The following BAALC variants were observed in gnomAD, a reference collection of about 807,000 sequenced individuals.
BAALC encodes the protein BAALC binder of MAP3K1 and KLF4.
A neutral mutation model predicts 15.5 loss-of-function variants in BAALC; 9 were observed. The observed-to-expected ratio is 0.58, with a 90% CI of 0.35 to 1.02. The LOEUF (loss-of-function observed/expected upper bound fraction) is 1.02, where lower values mean the gene tolerates loss of function less well. BAALC is among the 50% of genes least tolerant of loss of function. The probability of loss-of-function intolerance (pLI) is 0.02; values close to 1 mark genes in which losing one functional copy is unlikely to be tolerated. For synonymous variants in BAALC, 80 were observed against 74.6 expected, an observed-to-expected ratio of 1.07 and a Z score of -0.37; for missense variants, 201 against 192.4, an observed-to-expected ratio of 1.04 and a Z score of -0.27.
At chr8:103,184,333 A>G (rs1270262570) in intron 1 of BAALC, among the ~76,000 whole-genome samples, 1 of 152,198 alleles carries the variant, frequency 6.6e-6, no homozygotes, top group African/African-American at 2.4e-5. Flanking sequence ...AGGAGTGGAC[A>G]TCTTTGGGAC....
chr8:103,215,156 C>G (rs990375967), intron 2 of BAALC, among the ~76,000 whole-genome samples: 3 of 152,082 alleles, frequency 2.0e-5, no homozygotes, highest in Non-Finnish European at 4.4e-5. Context: ...CATTTCCTGC[C>G]CCCCCATCCA....
intron 1 of BAALC, among the ~76,000 whole-genome samples, chr8:103,160,467 G>A (rs1811200344): frequency 6.6e-6 from 1 of 152,122 alleles, no homozygotes; most frequent in Admixed American, 6.5e-5. Context: ...CTGCCTCAGT[G>A]TGATTACTGA....
rs73701753 is a variant in BAALC at position 103,148,833 on chromosome 8, C to T, written c.160+7776C>T. Among the ~76,000 whole-genome samples the T allele has an allele frequency of 7.2e-3, 1,089 of 152,280 alleles. 18 individuals carry two copies. The highest frequency in any genetic ancestry group is 0.025 in the African/African-American group (1,031 of 41,556). On this transcript the variant is annotated intron_variant, in intron 1 of 2. Transcript: ENST00000309982. ...GAACATTTGGAAATAATAAGAGAGACGGATTTCCACTGTTACTTCCTCACA... is the reference window on the plus strand; with the variant it reads ...GAACATTTGGAAATAATAAGAGAGATGGATTTCCACTGTTACTTCCTCACA...
intron 2 of BAALC, among the ~76,000 whole-genome samples, chr8:103,221,799 GAA>G (rs765612135): frequency 3.9e-5 from 6 of 152,154 alleles, no homozygotes; most frequent in Non-Finnish European, 5.9e-5. Flanking sequence ...TTGTGTTGAT[GAA>G]AAGAGTCAAA....
intron 1 of BAALC, among the ~76,000 whole-genome samples, chr8:103,187,282 T>C (rs1180033971): frequency 6.6e-6 from 1 of 152,208 alleles, no homozygotes; most frequent in Non-Finnish European, 1.5e-5. Flanking sequence ...GGTTCTCAAC[T>C]GGTGGCTTCT....
At chr8:103,177,167 T>TTTG (rs139182843) in intron 1 of BAALC, among the ~76,000 whole-genome samples, 58 of 150,186 alleles carry the variant, frequency 3.9e-4, no homozygotes, top group South Asian at 8.4e-4. Flanking sequence ...GTGCGGGTTT[T>TTTG]TTGTTGTTGT....
intron 1 of BAALC, among the ~76,000 whole-genome samples, chr8:103,162,960 G>T (rs1811262443): frequency 6.6e-6 from 1 of 152,174 alleles, no homozygotes; most frequent in East Asian, 1.9e-4. Context: ...GGTCCAGATA[G>T]ATTCCTGCAC....
intron 2 of BAALC, among the ~76,000 whole-genome samples, chr8:103,215,698 T>A (rs933096428): frequency 6.6e-6 from 1 of 152,154 alleles, no homozygotes; most frequent in African/African-American, 2.4e-5. Flanking sequence ...GTGTCTCTGC[T>A]CACATCATAC....
At chr8:103,195,625 C>A (rs17793792) in intron 1 of BAALC, among the ~76,000 whole-genome samples, 6 of 152,250 alleles carry the variant, frequency 3.9e-5, no homozygotes, top group African/African-American at 1.4e-4. Flanking sequence ...TTTATGCGAG[C>A]TGTTCCTTTC....
chr8:103,146,548 T>C lies in BAALC; in HGVS notation c.160+5491T>C, dbSNP rs139954084. 7.2e-5 allele frequency among the ~76,000 whole-genome samples: 11 copies of C among 152,366 alleles called. No individual in the cohort carries two copies. In the East Asian group the frequency reaches 2.1e-3, roughly 29 times the overall value. ...TTCATTTCACACACAGTCCTATCCC[T>C]GTACCTAACGCTGTTCTGGCTACAT... On this transcript the variant is annotated intron_variant, in intron 1 of 2. Coordinates refer to ENST00000309982, the MANE Select transcript of BAALC (RefSeq NM_024812.3).
chr8:103,229,365 G>GTGT lies in BAALC; in HGVS notation c.*1268_*1270dup, dbSNP rs1812872857. Reference sequence around the variant, plus strand: ...TTTAGCAGAAATAGGCAGCCTATTGGTGTTATGTTTATGTAACATAGTCCA... The same window carrying GTGT: ...TTTAGCAGAAATAGGCAGCCTATTGGTGTTGTTATGTTTATGTAACATAGTCCA... On this transcript the variant is annotated 3_prime_UTR_variant, in exon 3 of 3. Transcript: ENST00000309982. 6.6e-6 allele frequency: 1 copy of GTGT among 152,144 alleles called. No individual in the cohort carries two copies. Among genetic ancestry groups the GTGT allele is most frequent in the South Asian group, 2.1e-4 (1 of 4,814 alleles). The allele number at this position is 152,144 out of a possible 1,614,324, so 9.4% of individuals were successfully genotyped here. A position where few individuals can be genotyped will look rare whatever the true frequency, so the allele number is the denominator to read the frequency against.
intron 1 of BAALC, among the ~76,000 whole-genome samples, chr8:103,177,729 C>T (rs1409534190): frequency 6.6e-6 from 1 of 152,202 alleles, no homozygotes; most frequent in Non-Finnish European, 1.5e-5. Flanking sequence ...TGAACTTTCT[C>T]AGTCCTAGTT....
At chr8:103,213,831 C>A (rs78812213) in intron 2 of BAALC, among the ~76,000 whole-genome samples, 243 of 152,296 alleles carry the variant, frequency 1.6e-3, no homozygotes, top group African/African-American at 5.5e-3. Flanking sequence ...TACCCATTTT[C>A]TCCTATCTCT....
rs150368564 is a variant in BAALC, at chr8:103,143,913, C to G, written c.160+2856C>G. On this transcript the variant is annotated intron_variant, in intron 1 of 2. Transcript: ENST00000309982. ...GTTTTCCCACTTGAATCAATTTAGC[C>G]TGAATTCTTCCAACGGCCTTTCTGA... Among the ~76,000 whole-genome samples the G allele has an allele frequency of 1.0e-3, 157 of 152,270 alleles. 3 individuals are homozygous for G. In the East Asian group the frequency reaches 0.026, roughly 25 times the overall value.
At chr8:103,185,511 G>T (rs1303467888) in intron 1 of BAALC, among the ~76,000 whole-genome samples, 1 of 152,126 alleles carries the variant, frequency 6.6e-6, no homozygotes, top group Admixed American at 6.5e-5. Context: ...AAAGTATAAA[G>T]ATATCAACAT....
At chr8:103,173,985 T>C (rs545722940) in intron 1 of BAALC, among the ~76,000 whole-genome samples, 1 of 152,248 alleles carries the variant, frequency 6.6e-6, no homozygotes, top group African/African-American at 2.4e-5. Context: ...AGCAAGAGGC[T>C]ATGGAAAGGA....
intron 1 of BAALC, among the ~76,000 whole-genome samples, chr8:103,198,711 C>G (rs947605944): frequency 1.3e-5 from 2 of 151,368 alleles, no homozygotes; most frequent in African/African-American, 4.9e-5. Flanking sequence ...TCAGACCAGC[C>G]GGGGCAACAT....
intron 1 of BAALC, among the ~76,000 whole-genome samples, chr8:103,201,288 T>A (rs1800726604): frequency 6.6e-6 from 1 of 152,158 alleles, no homozygotes; most frequent in African/African-American, 2.4e-5. Context: ...CAGAGGGGCA[T>A]TATGATTCTG....
At chr8:103,198,219 T>A in intron 1 of BAALC, 1 of 672,206 alleles carries the variant, frequency 1.5e-6, no homozygotes, top group Non-Finnish European at 2.7e-6. Context: ...GATTCCTATG[T>A]GGTGTTTCTG....
Sources: allele counts gnomAD v4.1 joint callset (sites outside exome capture counted in the v4.1 genomes callset), GRCh38; gene constraint gnomAD v4.1.1; transcripts MANE v1.5; gene names NCBI Gene and HGNC (gene_info 2026-07-23, HGNC 2026-07-21).